AGBL4: variants seen among roughly 807,000 people sequenced by gnomAD.
AGBL4 encodes the protein AGBL carboxypeptidase 4, also known as cytosolic carboxypeptidase 6.
Under a neutral mutation model 66.4 loss-of-function variants are expected in AGBL4, and 58 were observed. That is an observed-to-expected ratio of 0.87 (90% confidence interval 0.71 to 1.09). The LOEUF (loss-of-function observed/expected upper bound fraction) is 1.09, where lower values mean the gene tolerates loss of function less well. AGBL4 is among the 50% of genes least tolerant of loss of function. The probability of loss-of-function intolerance (pLI) is 0.00; values close to 1 mark genes in which losing one functional copy is unlikely to be tolerated. For missense variants in AGBL4, 579 were observed against 631.0 expected (o/e 0.92, Z 0.88); for synonymous variants, 234 against 222.9 (o/e 1.05, Z -0.44).
At chr1:49,103,842 A>G (rs895655374) in intron 4 of AGBL4, among the ~76,000 whole-genome samples, 1 of 151,884 alleles carries the variant, frequency 6.6e-6, no homozygotes, top group African/African-American at 2.4e-5. Flanking sequence ...AGACCCCAAA[A>G]TCTCTTTCAT....
chr1:49,452,269 G>A (rs1490988222), intron 3 of AGBL4, among the ~76,000 whole-genome samples: 1 of 151,890 alleles, frequency 6.6e-6, no homozygotes, highest in Non-Finnish European at 1.5e-5. Context: ...ACTAATTGGT[G>A]TCCCTGTCCC....
chr1:49,379,515 T>C (rs1175396505), intron 3 of AGBL4, among the ~76,000 whole-genome samples: 1 of 152,154 alleles, frequency 6.6e-6, no homozygotes, highest in African/African-American at 2.4e-5. Flanking sequence ...GGCTGTGGGT[T>C]TGTCATAGAT....
chr1:49,110,192 A>G (rs1169883733), intron 4 of AGBL4, among the ~76,000 whole-genome samples: 1 of 152,282 alleles, frequency 6.6e-6, no homozygotes, highest in Middle Eastern at 3.4e-3. Flanking sequence ...CCTCACAAAC[A>G]CTTTCAATTC....
chr1:48,784,253 A>T (rs2355682), intron 6 of AGBL4, among the ~76,000 whole-genome samples: 148,743 of 152,278 alleles, frequency 0.98, 72,733 homozygotes, highest in East Asian at 1. Flanking sequence ...GTTACTGTTA[A>T]AATAATTATT....
intron 2 of AGBL4, among the ~76,000 whole-genome samples, chr1:49,735,718 G>C (rs2124728713): frequency 1.3e-5 from 2 of 151,986 alleles, no homozygotes; most frequent in South Asian, 4.2e-4. Flanking sequence ...TACTACCTTG[G>C]GCAAAGTGTT....
At chr1:49,579,063 TC>T (rs1340017598) in intron 3 of AGBL4, among the ~76,000 whole-genome samples, 2 of 152,134 alleles carry the variant, frequency 1.3e-5, no homozygotes, top group South Asian at 2.1e-4. Context: ...CTAACATTTT[TC>T]CCCCATGCTG....
chr1:49,990,700 C>T (rs1221223865), intron 1 of AGBL4, among the ~76,000 whole-genome samples: 1 of 152,192 alleles, frequency 6.6e-6, no homozygotes. Context: ...TGATCTGTCA[C>T]CGATTAGCCA....
chr1:49,976,459 C>T (rs1012942174), intron 1 of AGBL4, among the ~76,000 whole-genome samples: 5 of 151,870 alleles, frequency 3.3e-5, no homozygotes, highest in Admixed American at 6.6e-5. Context: ...CATGATAGTT[C>T]GAAAAAGGGA....
At chr1:49,941,721 A>G (rs1299910651) in intron 1 of AGBL4, among the ~76,000 whole-genome samples, 1 of 152,072 alleles carries the variant, frequency 6.6e-6, no homozygotes, top group East Asian at 1.9e-4. Flanking sequence ...TTAAGTATAG[A>G]AGAAATAAAC....
At chr1:49,215,404 T>C (rs1649004679) in intron 4 of AGBL4, among the ~76,000 whole-genome samples, 4 of 152,156 alleles carry the variant, frequency 2.6e-5, no homozygotes, top group Admixed American at 2.6e-4. Flanking sequence ...TCCTCAAAGA[T>C]GAACTGAATG....
intron 2 of AGBL4, among the ~76,000 whole-genome samples, chr1:49,762,801 C>T (rs918639456): frequency 6.6e-6 from 1 of 152,170 alleles, no homozygotes; most frequent in African/African-American, 2.4e-5. Context: ...ATCCTTCTCC[C>T]ATGCAAATGT....
At chr1:49,699,975 G>A (rs998791099) in intron 2 of AGBL4, among the ~76,000 whole-genome samples, 6 of 151,664 alleles carry the variant, frequency 4.0e-5, no homozygotes, top group Admixed American at 2.6e-4. Flanking sequence ...GGTAGTCATT[G>A]CATTATGTAT....
intron 4 of AGBL4, among the ~76,000 whole-genome samples, chr1:49,071,272 G>A (rs555630969): frequency 5.9e-5 from 9 of 151,570 alleles, no homozygotes; most frequent in South Asian, 4.2e-4. Context: ...TAGTTATTTC[G>A]TGTCTTCTGC....
At chr1:48,832,478 G>A (rs567323113) in intron 6 of AGBL4, among the ~76,000 whole-genome samples, 13 of 152,136 alleles carry the variant, frequency 8.5e-5, no homozygotes, top group East Asian at 1.9e-4. Context: ...CAAGGTACTC[G>A]CTAGGTTGTG....
At chr1:49,867,830 C>T (rs1216458450) in intron 1 of AGBL4, among the ~76,000 whole-genome samples, 1 of 152,056 alleles carries the variant, frequency 6.6e-6, no homozygotes, top group Non-Finnish European at 1.5e-5. Flanking sequence ...TGCAAAATAA[C>T]CAACTATCAT....
intron 3 of AGBL4, among the ~76,000 whole-genome samples, chr1:49,374,660 T>C (rs922463291): frequency 6.6e-6 from 1 of 152,070 alleles, no homozygotes; most frequent in Admixed American, 6.6e-5. Flanking sequence ...TCTTTTCTTT[T>C]TTACCTTCAT....
At chr1:48,558,198 C>T (rs1038448591) in intron 11 of AGBL4, among the ~76,000 whole-genome samples, 1 of 152,154 alleles carries the variant, frequency 6.6e-6, no homozygotes, top group Admixed American at 6.5e-5. Context: ...CTCTTTGTTT[C>T]GGCTTTAATC....
chr1:48,630,766 C>G (rs181796301), intron 9 of AGBL4, among the ~76,000 whole-genome samples: 3 of 152,286 alleles, frequency 2.0e-5, no homozygotes, highest in Non-Finnish European at 1.5e-5. Context: ...CCAGATTGCT[C>G]CCTGTGTCAT....
intron 5 of AGBL4, among the ~76,000 whole-genome samples, chr1:48,891,442 T>C (rs759104609): frequency 6.6e-6 from 1 of 152,112 alleles, no homozygotes; most frequent in Non-Finnish European, 1.5e-5. Flanking sequence ...AGGCACTAGA[T>C]GCTGGAGTCA....
Sources: allele counts gnomAD v4.1 joint callset (sites outside exome capture counted in the v4.1 genomes callset), GRCh38; gene constraint gnomAD v4.1.1; transcripts MANE v1.5; gene names NCBI Gene and HGNC (gene_info 2026-07-23, HGNC 2026-07-21).